The following FGF18 variants were observed in gnomAD, a reference collection of about 807,000 sequenced individuals.
FGF18 encodes fibroblast growth factor 18.
In FGF18, 5 loss-of-function variants were observed where a neutral mutation model predicts 23.0. The ratio of observed to expected loss-of-function variants is 0.22; its 90% CI spans 0.11 to 0.46. The LOEUF (loss-of-function observed/expected upper bound fraction) is 0.46. Ranked by LOEUF, FGF18 falls within the 20% of genes least tolerant of loss-of-function variation. The pLI is 0.99. For missense variants in FGF18, 180 were observed against 291.6 expected, an observed-to-expected ratio of 0.62 and a Z score of 2.79; for synonymous variants, 117 against 118.9, an observed-to-expected ratio of 0.98 and a Z score of 0.10.
At chr5:171,443,402 G>T (rs1037360055) in intron 3 of FGF18, among the ~76,000 whole-genome samples, 29 of 150,982 alleles carry the variant, frequency 1.9e-4, no homozygotes, top group African/African-American at 7.1e-4. Flanking sequence ...AAGTGCTGGG[G>T]TTACGGGCAT....
intron 4 of FGF18, among the ~76,000 whole-genome samples, chr5:171,455,432 T>C (rs1772567417): frequency 6.6e-6 from 1 of 152,260 alleles, no homozygotes; most frequent in Non-Finnish European, 1.5e-5. Context: ...TATGCAAATC[T>C]ATCAGGACTC....
At chr5:171,441,327 A>G (rs1772340827) in intron 3 of FGF18, among the ~76,000 whole-genome samples, 1 of 152,194 alleles carries the variant, frequency 6.6e-6, no homozygotes, top group South Asian at 2.1e-4. Flanking sequence ...AGTAAAACTC[A>G]TGTCCTTGAA....
At position 171,420,182 on chromosome 5, in the gene FGF18, C is replaced by T. The variant is rs1771981442; in HGVS notation, c.-18C>T. 5 of 1,539,078 alleles carry T rather than the reference C, an allele frequency of 3.2e-6. No homozygotes were observed. The highest frequency in any genetic ancestry group is 1.2e-5 in the South Asian group (1 of 83,852). Reference sequence around the variant, plus strand: ...GTGCAGGCTGGGCTAGGAGCCGCCGCCTCCCTCCCGCCCAGCGATGTATTC... The same window carrying T: ...GTGCAGGCTGGGCTAGGAGCCGCCGTCTCCCTCCCGCCCAGCGATGTATTC... On this transcript the variant is annotated 5_prime_UTR_variant, in exon 1 of 5. Transcript: ENST00000274625.
chr5:171,451,589 G>A lies in FGF18; in HGVS notation c.357+2336G>A, dbSNP rs1772509281. ...AGGCCTTTCCCCGCTGCCCACCTTC[G>A]GCTTTCTACAGCACATACGGCATTG... On this transcript the variant is annotated intron_variant, in intron 4 of 4. Coordinates refer to ENST00000274625, the MANE Select transcript of FGF18 (RefSeq NM_003862.3). The surrounding 1 kb of genome is among the most constrained non-coding windows in gnomAD (Gnocchi z 4.5). 6.6e-6 allele frequency among the ~76,000 whole-genome samples: 1 copy of A among 152,162 alleles called. No individual in the cohort carries two copies. Among genetic ancestry groups the A allele is most frequent in the Non-Finnish European group, 1.5e-5 (1 of 68,016 alleles).
chr5:171,422,443 T>C (rs571645069), intron 2 of FGF18, among the ~76,000 whole-genome samples: 28 of 152,268 alleles, frequency 1.8e-4, no homozygotes, highest in African/African-American at 6.7e-4. Flanking sequence ...AAGGATGGGA[T>C]TGTGGGAGGG....
At chr5:171,423,417 C>T (rs1456263036) in intron 2 of FGF18, among the ~76,000 whole-genome samples, 4 of 152,198 alleles carry the variant, frequency 2.6e-5, no homozygotes, top group East Asian at 1.9e-4. Context: ...GCAGCTCGGC[C>T]GGCACCTGCC....
At chr5:171,423,275 A>T (rs1188903839) in intron 2 of FGF18, among the ~76,000 whole-genome samples, 1 of 152,148 alleles carries the variant, frequency 6.6e-6, no homozygotes, top group Non-Finnish European at 1.5e-5. Flanking sequence ...TCTCCACACG[A>T]CTCAGGACAC....
chr5:171,447,195 G>A (rs955080645), intron 3 of FGF18, among the ~76,000 whole-genome samples: 1 of 152,150 alleles, frequency 6.6e-6, no homozygotes, highest in African/African-American at 2.4e-5. Flanking sequence ...TACAGTTGGG[G>A]CCAGGGATTC....
chr5:171,428,252 A>G (rs1003733138), intron 2 of FGF18, among the ~76,000 whole-genome samples: 14 of 152,098 alleles, frequency 9.2e-5, no homozygotes, highest in Admixed American at 7.2e-4. Flanking sequence ...GGTTTGAGGG[A>G]GAGGTTCTCT....
chr5:171,442,324 C>T (rs1440172381), intron 3 of FGF18, among the ~76,000 whole-genome samples: 1 of 152,148 alleles, frequency 6.6e-6, no homozygotes, highest in Non-Finnish European at 1.5e-5. Context: ...ACCTTCTCCT[C>T]CATTGCCACC....
rs1772459183 is a variant in FGF18 at position 171,449,321 on chromosome 5, T to C, written c.357+68T>C. 5.7e-6 allele frequency: 6 copies of C among 1,056,710 alleles called. 1 individual carries two copies. The highest frequency in any genetic ancestry group is 2.5e-5 in the South Asian group (2 of 79,898). The allele number at this position is 1,056,710 out of a possible 1,614,324, so 65.5% of individuals were successfully genotyped here. ...CTGGCAGCTCTGGGAGCTGGAACAA[T>C]GTGTCCAGGGCACTGTCAGTCCCAA... On this transcript the variant is annotated intron_variant, in intron 4 of 4. Coordinates refer to ENST00000274625, the MANE Select transcript of FGF18 (RefSeq NM_003862.3).
intron 2 of FGF18, among the ~76,000 whole-genome samples, chr5:171,428,389 C>T (rs1772129459): frequency 6.6e-6 from 1 of 152,174 alleles, no homozygotes; most frequent in Non-Finnish European, 1.5e-5. Context: ...TGCTGGGGAG[C>T]AAGAGCTCAA....
chr5:171,436,238 G>C lies in FGF18; in HGVS notation c.215G>C (p.Arg72Thr). 6 of 1,599,244 alleles carry C rather than the reference G, an allele frequency of 3.8e-6. No individual in the cohort carries two copies. Among genetic ancestry groups the C allele is most frequent in the Non-Finnish European group, 5.1e-6 (6 of 1,172,200 alleles). ...SGKHIQVLGR[R>T]ISARGEDGDK... ...AAACACATCCAGGTCCTGGGCCGCA[G>C]GATCAGTGCCCGCGGCGAGGATGGG... The change falls in exon 3 of 5, where the codon AGG becomes ACG. Residue 72 changes from arginine (R) to threonine (T), a missense_variant. Around this residue, in one of 3 missense-constraint regions of FGF18, gnomAD observed 83 missense variants for 190.4 expected, o/e 0.44. Coordinates refer to ENST00000274625, the MANE Select transcript of FGF18 (RefSeq NM_003862.3). This position sits in a 1 kb window ranked among gnomAD's most constrained non-coding sequence, Gnocchi z 4.4.
At chr5:171,420,711 G>T (rs533994457) in intron 2 of FGF18, among the ~76,000 whole-genome samples, 1 of 152,222 alleles carries the variant, frequency 6.6e-6, no homozygotes, top group Non-Finnish European at 1.5e-5. Flanking sequence ...ATCCCGCAGA[G>T]CCGGCGGGCT....
At position 171,457,208 on chromosome 5, in the gene FGF18, C is replaced by T. The variant is rs1307464164; in HGVS notation, c.*403C>T. 1.2e-5 allele frequency: 2 copies of T among 162,580 alleles called. No individual in the cohort carries two copies. The highest frequency in any genetic ancestry group is 1.8e-4 in the East Asian group (1 of 5,510). The allele number at this position is 162,580 out of a possible 1,614,324, so 10.1% of individuals were successfully genotyped here. A position where few individuals can be genotyped will look rare whatever the true frequency, so the allele number is the denominator to read the frequency against. ...GAAAAACAAAGAGAAAGTAGTACTCCGCCCACCAACAAACTCCCCCTAACT... is the reference window on the plus strand; with the variant it reads ...GAAAAACAAAGAGAAAGTAGTACTCTGCCCACCAACAAACTCCCCCTAACT... On this transcript the variant is annotated 3_prime_UTR_variant, in exon 5 of 5. Transcript: ENST00000274625.
chr5:171,422,013 G>T (rs897589455), intron 2 of FGF18, among the ~76,000 whole-genome samples: 1 of 152,152 alleles, frequency 6.6e-6, no homozygotes, highest in Non-Finnish European at 1.5e-5. Flanking sequence ...TCTGACCTGG[G>T]CAAGAGCTCT....
intron 4 of FGF18, among the ~76,000 whole-genome samples, chr5:171,453,242 T>G (rs1412487558): frequency 6.6e-6 from 1 of 152,228 alleles, no homozygotes; most frequent in Admixed American, 6.5e-5. Context: ...GGATGTAGCC[T>G]GCTGTTAGCT....
chr5:171,420,581 G>C, intron 2 of FGF18, 138 bp downstream of exon 2: 2 of 827,728 alleles, frequency 2.4e-6, no homozygotes, highest in Non-Finnish European at 3.8e-6. Context: ...CCAGGGCGCG[G>C]AAGGGCGGCT....
At chr5:171,424,460 C>G (rs541658429) in intron 2 of FGF18, among the ~76,000 whole-genome samples, 11 of 152,366 alleles carry the variant, frequency 7.2e-5, no homozygotes, top group African/African-American at 1.2e-4. Flanking sequence ...TTCTGTTTCA[C>G]AGATGGAGAA....
Sources: gnomAD v4.1 joint callset for allele counts (sites outside exome capture counted in the v4.1 genomes callset) on GRCh38, gnomAD v4.1.1 for gene constraint, gnomAD v4.1.1 regional missense constraint, Gnocchi (gnomAD v3.1) non-coding constraint, MANE v1.5 for transcripts, NCBI Gene and HGNC (gene_info 2026-07-23, HGNC 2026-07-21) for gene names.